The following FAM153A variants were observed in gnomAD, a reference collection of about 807,000 sequenced individuals.
The protein encoded by FAM153A is family with sequence similarity 153 member A, also known as protein FAM153A.
Under a neutral mutation model 48.1 loss-of-function variants are expected in FAM153A, and 12 were observed. The ratio of observed to expected loss-of-function variants is 0.25; its 90% CI spans 0.16 to 0.40. The LOEUF (loss-of-function observed/expected upper bound fraction) is 0.40, where lower values mean the gene tolerates loss of function less well. Ranked by LOEUF, FAM153A falls within the 10% of genes least tolerant of loss-of-function variation. The pLI is 1.00. For synonymous variants in FAM153A, 36 were observed against 118.2 expected, an observed-to-expected ratio of 0.30 and a Z score of 4.51; for missense variants, 111 against 345.8, an observed-to-expected ratio of 0.32 and a Z score of 5.38.
chr5:177,758,735 C>T (rs905472141), intron 1 of FAM153A, among the ~76,000 whole-genome samples: 1 of 149,434 alleles, frequency 6.7e-6, no homozygotes, highest in Admixed American at 6.7e-5. Context: ...AAAGGATTCC[C>T]TATATAATAA....
At chr5:177,781,875 C>T (rs1297480010), upstream of FAM153A, among the ~76,000 whole-genome samples, 47 of 86,970 alleles carry the variant, frequency 5.4e-4, 5 homozygotes, top group Middle Eastern at 0.012. Context: ...CCCGCCACCA[C>T]GCCCGGCTAA....
At chr5:177,768,201 G>A (rs1768855021) in intron 1 of FAM153A, among the ~76,000 whole-genome samples, 1 of 136,698 alleles carries the variant, frequency 7.3e-6, no homozygotes, top group African/African-American at 2.9e-5. Context: ...GAGATGCATA[G>A]TGCAAAGTAT....
At chr5:177,743,848 T>C (rs1189996992) in intron 6 of FAM153A, among the ~76,000 whole-genome samples, 17 of 16,242 alleles carry the variant, frequency 1.0e-3, no homozygotes, top group South Asian at 3.4e-3. Flanking sequence ...GAATTCTGAA[T>C]GAAAAAATAA....
chr5:177,711,620 G>A (rs561785632), exon 27 of FAM153A: 1 of 152,050 alleles, frequency 6.6e-6, no homozygotes, highest in South Asian at 2.1e-4. Flanking sequence ...TGTGAATGAT[G>A]TCTTACAATT....
chr5:177,695,480 T>G, the FAM153A span, among the ~76,000 whole-genome samples: 1 of 152,182 alleles, frequency 6.6e-6, no homozygotes, highest in Non-Finnish European at 1.5e-5. Flanking sequence ...CATGCTGCCT[T>G]CAGGCATCTG....
the FAM153A span, among the ~76,000 whole-genome samples, chr5:177,701,526 C>T: frequency 2.0e-5 from 3 of 151,876 alleles, no homozygotes; most frequent in South Asian, 4.2e-4. Flanking sequence ...GATCATGCCA[C>T]TGCACTCCAG....
At chr5:177,697,164 C>T in the FAM153A span, among the ~76,000 whole-genome samples, 2 of 150,890 alleles carry the variant, frequency 1.3e-5, no homozygotes, top group Non-Finnish European at 3.0e-5. Context: ...CAAAGAAGTG[C>T]ATTTTTTGTA....
intron 18 of FAM153A, among the ~76,000 whole-genome samples, chr5:177,725,801 C>T (rs879392497): frequency 5.1e-4 from 77 of 152,002 alleles, no homozygotes; most frequent in South Asian, 1.0e-3. Flanking sequence ...GAGCCACTGC[C>T]TACAGCAACA....
At chr5:177,782,669 A>ATCCCAATCCGCGATCCAAC (rs1769795921), upstream of FAM153A, 1 of 39,306 alleles carries the variant, frequency 2.5e-5, no homozygotes, top group African/African-American at 1.0e-4. Context: ...CGCGATCCAA[A>ATCCCAATCCGCGATCCAAC]CCCCAATCCG....
intron 1 of FAM153A, among the ~76,000 whole-genome samples, chr5:177,769,067 TCCA>T (rs368419237): frequency 1.8e-5 from 1 of 56,952 alleles, no homozygotes; most frequent in East Asian, 5.1e-4. Flanking sequence ...ACTAAAGAAA[TCCA>T]AAAAAAAAAA....
chr5:177,779,114 A>G lies in FAM153A; in HGVS notation c.-57+1335T>C, dbSNP rs1199233431. On this transcript the variant is annotated intron_variant, in intron 1 of 8. Coordinates refer to the FAM153A transcript ENST00000393518. ...CATAGAGTTCCTTTTACTTGCTTCT[A>G]ATCTTTTCATTTCTTATAAAACTAA... Among the ~76,000 whole-genome samples the G allele has an allele frequency of 1.3e-5, 2 of 151,812 alleles. 1 individual carries two copies. The highest frequency in any genetic ancestry group is 4.9e-5 in the African/African-American group (2 of 41,066).
intron 1 of FAM153A, among the ~76,000 whole-genome samples, chr5:177,764,626 A>G (rs1215535056): frequency 4.7e-3 from 680 of 145,370 alleles, no homozygotes; most frequent in African/African-American, 0.013. Context: ...GGCTGTGAAT[A>G]CCTGGGCTGG....
In FAM153A at chr5:177,728,554, T is replaced by A. The variant is rs1267870647; in HGVS notation, c.964+469A>T. 9.3e-5 allele frequency among the ~76,000 whole-genome samples: 5 copies of A among 53,900 alleles called. No homozygotes were observed. The South Asian group carries it at 3.6e-3, about 39-fold the overall frequency. The allele number at this position is 53,900 out of a possible 152,430, so 35.4% of individuals were successfully genotyped here. ...ACTGGACTCTTAGTTTGTTGGGGTG[T>A]TTTTTTTTTTGTTTGTTTTTGTTTT... On this transcript the variant is annotated intron_variant, in intron 18 of 20. Transcript: ENST00000614127.
exon 27 of FAM153A, chr5:177,711,127 T>C (rs1758402803): frequency 6.6e-6 from 1 of 151,962 alleles, no homozygotes; most frequent in African/African-American, 2.4e-5. Flanking sequence ...GTGTATACTG[T>C]ACATATAACT....
At chr5:177,755,785 TGA>T, upstream of FAM153A, among the ~76,000 whole-genome samples, 1 of 150,712 alleles carries the variant, frequency 6.6e-6, no homozygotes, top group Admixed American at 6.6e-5. Flanking sequence ...AAGCAAATGC[TGA>T]GAGATTTTGT....
the FAM153A span, among the ~76,000 whole-genome samples, chr5:177,695,755 T>A: frequency 6.6e-6 from 1 of 150,988 alleles, no homozygotes; most frequent in Non-Finnish European, 1.5e-5. Flanking sequence ...GGCCTGTTCT[T>A]GATGGTCGCT....
intron 25 of FAM153A, among the ~76,000 whole-genome samples, chr5:177,716,016 G>T (rs550336792): frequency 1.4e-5 from 2 of 145,176 alleles, no homozygotes; most frequent in South Asian, 2.2e-4. Context: ...ATGGAGTCTT[G>T]CTCTGTTGCC....
At chr5:177,725,630 GAC>G (rs1250479543) in intron 18 of FAM153A, among the ~76,000 whole-genome samples, 1 of 151,436 alleles carries the variant, frequency 6.6e-6, no homozygotes, top group Non-Finnish European at 1.5e-5. Flanking sequence ...TGGAAGACCT[GAC>G]ACAGAGAACA....
intron 1 of FAM153A, among the ~76,000 whole-genome samples, chr5:177,761,171 C>T (rs1211116339): frequency 6.6e-6 from 1 of 151,124 alleles, no homozygotes. Flanking sequence ...CCCACTCAGC[C>T]CAGCTGCAGC....
Sources: allele counts gnomAD v4.1 joint callset (sites outside exome capture counted in the v4.1 genomes callset), GRCh38; gene constraint gnomAD v4.1.1; transcripts MANE v1.5; gene names NCBI Gene and HGNC (gene_info 2026-07-23, HGNC 2026-07-21).